The following PRDM11 variants were observed in gnomAD, a reference collection of about 807,000 sequenced individuals.
PRDM11 encodes the protein PR/SET domain 11, also known as PR domain-containing protein 11.
A neutral mutation model predicts 97.8 loss-of-function variants in PRDM11; 20 were observed. That is an observed-to-expected ratio of 0.20 (90% CI 0.14 to 0.30). The LOEUF (loss-of-function observed/expected upper bound fraction) is 0.30, where lower values mean the gene tolerates loss of function less well. PRDM11 is among the 10% of genes least tolerant of loss of function. The pLI, the probability that PRDM11 is intolerant of heterozygous loss-of-function variation, is 1.00. For missense variants in PRDM11, 1,139 were observed against 1,555.2 expected (o/e 0.73, Z 4.50); for synonymous variants, 599 against 637.7 (o/e 0.94, Z 0.91).
intron 1 of PRDM11, among the ~76,000 whole-genome samples, chr11:45,169,085 C>G (rs1461528023): frequency 6.6e-6 from 1 of 152,090 alleles, no homozygotes. Flanking sequence ...CACTGACATG[C>G]TTGGGGTGGG....
chr11:45,234,112 G>C lies in PRDM11; in HGVS notation c.*5953G>C, dbSNP rs1199670637. 1 of 152,284 alleles carries C rather than the reference G, an allele frequency of 6.6e-6. No homozygotes were observed. Among genetic ancestry groups the C allele is most frequent in the East Asian group, 1.9e-4 (1 of 5,168 alleles). 9.4% of individuals were successfully genotyped at this position (152,284 alleles called of 1,614,324 possible). On this transcript the variant is annotated 3_prime_UTR_variant, in exon 8 of 8. Transcript: ENST00000683152. Reference sequence around the variant, plus strand: ...CCCGGGCCGGGCGGGGATGTCTGGGGGCCACGCGGGGGCACTGGTGCAAGC... The same window carrying C: ...CCCGGGCCGGGCGGGGATGTCTGGGCGCCACGCGGGGGCACTGGTGCAAGC...
At chr11:45,164,573 TC>T (rs1438140329) in intron 1 of PRDM11, among the ~76,000 whole-genome samples, 1 of 152,184 alleles carries the variant, frequency 6.6e-6, no homozygotes, top group African/African-American at 2.4e-5. Flanking sequence ...GGGAGGGCCG[TC>T]CTCAGGACAG....
At chr11:45,126,175 T>C (rs1185599734) in intron 1 of PRDM11, among the ~76,000 whole-genome samples, 1 of 152,124 alleles carries the variant, frequency 6.6e-6, no homozygotes, top group African/African-American at 2.4e-5. Flanking sequence ...CTTTTTTTGT[T>C]TTCCATTTGC....
At position 45,224,515 on chromosome 11, in the gene PRDM11, A is replaced by G; in HGVS notation, c.1041A>G (p.Thr347=). The change falls in exon 7 of 8, where the codon ACA becomes ACG. Residue 347 remains threonine, a synonymous_variant. Transcript: ENST00000683152. ...YQDDAYSQCA[T]TMTHGVQNIG... is the part of the protein sequence containing the mutation. ...ATGACGCCTACAGTCAGTGTGCAAC[A>G]ACAATGACCCATGGTGTGCAGAATA... 1.2e-6 allele frequency: 2 copies of G among 1,614,160 alleles called. No individual in the cohort carries two copies. The highest frequency in any genetic ancestry group is 4.5e-5 in the East Asian group (2 of 44,880).
At chr11:45,161,449 G>A (rs1486903718) in intron 1 of PRDM11, among the ~76,000 whole-genome samples, 2 of 152,226 alleles carry the variant, frequency 1.3e-5, no homozygotes, top group East Asian at 3.9e-4. Context: ...CAGAGCCTAC[G>A]GGGAGGGAAG....
At chr11:45,104,360 C>T (rs1324436331) in intron 1 of PRDM11, among the ~76,000 whole-genome samples, 1 of 152,202 alleles carries the variant, frequency 6.6e-6, no homozygotes, top group East Asian at 1.9e-4. Context: ...AATTCAGGAT[C>T]CTCTGGATGA....
Position 45,224,617 on chromosome 11 carries a change from A to G in PRDM11, c.1143A>G (p.Glu381=). ...AGGAGCCAGGCCAATTGGAGGATGA[A>G]GAAGAGGAGCCTTCATCATTCAAGG... The part of the protein sequence containing the change: ...VSKEPGQLED[E]EEEPSSFKAD... Residue 381 remains glutamate (E), a synonymous_variant, in exon 7 of 8, where the codon GAA becomes GAG. Coordinates refer to ENST00000683152, the MANE Select transcript of PRDM11 (RefSeq NM_001384648.1). 6.2e-7 allele frequency: 1 copy of G among 1,614,192 alleles called. No individual in the cohort carries two copies. Among genetic ancestry groups the G allele is most frequent in the Non-Finnish European group, 8.5e-7 (1 of 1,180,024 alleles).
At chr11:45,130,123 T>C (rs1852685738) in intron 1 of PRDM11, among the ~76,000 whole-genome samples, 1 of 151,944 alleles carries the variant, frequency 6.6e-6, no homozygotes, top group African/African-American at 2.4e-5. Context: ...ACACCAAAAT[T>C]AATTTGAAAT....
At chr11:45,178,009 C>G (rs1852370643) in intron 1 of PRDM11, among the ~76,000 whole-genome samples, 1 of 152,142 alleles carries the variant, frequency 6.6e-6, no homozygotes, top group African/African-American at 2.4e-5. Context: ...CCACAGATGT[C>G]TCTACTTTGA....
At chr11:45,123,594 A>G (rs1306539404) in intron 1 of PRDM11, among the ~76,000 whole-genome samples, 2 of 152,112 alleles carry the variant, frequency 1.3e-5, no homozygotes, top group East Asian at 3.8e-4. Context: ...TCATTTATTA[A>G]ATAGGGAATC....
chr11:45,121,882 G>A (rs1207800143), intron 1 of PRDM11, among the ~76,000 whole-genome samples: 2 of 152,172 alleles, frequency 1.3e-5, no homozygotes, highest in South Asian at 2.1e-4. Flanking sequence ...AATATTTAGA[G>A]TGGGATAATG....
upstream of PRDM11, among the ~76,000 whole-genome samples, chr11:45,095,139 G>A (rs1254543549): frequency 1.3e-5 from 2 of 152,122 alleles, no homozygotes; most frequent in Non-Finnish European, 2.9e-5. Flanking sequence ...GGAACAATAG[G>A]GAGCTGTCTG....
intron 1 of PRDM11, among the ~76,000 whole-genome samples, chr11:45,100,557 T>C (rs1293138057): frequency 6.6e-6 from 1 of 152,232 alleles, no homozygotes; most frequent in Non-Finnish European, 1.5e-5. Flanking sequence ...GTGCTCATCA[T>C]CATCTGCTGC....
chr11:45,213,332 G>A (rs771036981), intron 5 of PRDM11: 1 of 455,336 alleles, frequency 2.2e-6, no homozygotes, highest in South Asian at 1.6e-5. Flanking sequence ...GTGGTGGCAG[G>A]CCTTGCAGGG....
intron 5 of PRDM11, among the ~76,000 whole-genome samples, chr11:45,211,933 A>G (rs1369317501): frequency 1.3e-5 from 2 of 152,214 alleles, no homozygotes; most frequent in Non-Finnish European, 2.9e-5. Flanking sequence ...GATGGCCCCA[A>G]GCAATGCAGA....
intron 1 of PRDM11, among the ~76,000 whole-genome samples, chr11:45,121,058 A>T (rs1430243033): frequency 1.3e-5 from 2 of 152,186 alleles, no homozygotes; most frequent in Non-Finnish European, 2.9e-5. Flanking sequence ...AACAGAAGTG[A>T]CAAAAATAGT....
chr11:45,111,384 C>CTT (rs1852175945), intron 1 of PRDM11, among the ~76,000 whole-genome samples: 10 of 54,634 alleles, frequency 1.8e-4, no homozygotes, highest in Admixed American at 7.0e-4. Context: ...GAACCCATTT[C>CTT]ACAGCGACAG....
At chr11:45,215,722 G>T (rs1456332080) in intron 5 of PRDM11, 1 of 152,236 alleles carries the variant, frequency 6.6e-6, no homozygotes, top group Non-Finnish European at 1.5e-5. Flanking sequence ...GAAGAGGGAG[G>T]CCTCTAGCCA....
Position 45,227,427 on chromosome 11 carries a change from G to C in PRDM11, c.2802G>C (p.Glu934Asp). 1 of 1,533,906 alleles carries C rather than the reference G, an allele frequency of 6.5e-7. No homozygotes were observed. The highest frequency in any genetic ancestry group is 8.7e-7 in the Non-Finnish European group (1 of 1,146,736). The change falls in exon 8 of 8, where the codon GAG becomes GAC. Residue 934 changes from glutamate to aspartate, a missense_variant. Physicochemically the swap from Glu to Asp is conservative, Grantham distance 45. Transcript: ENST00000683152. The surrounding 1 kb of genome is among the most constrained non-coding windows in gnomAD (Gnocchi z 8.0). ...CGGGAGAATACCTGCAGGAGTTCGA[G>C]GAGAATTTCCGAGAGAGCTTCAACG... ...DSPGEYLQEF[E>D]ENFRESFNGI...
Sources: allele counts gnomAD v4.1 joint callset (sites outside exome capture counted in the v4.1 genomes callset), GRCh38; gene constraint gnomAD v4.1.1; non-coding constraint Gnocchi (gnomAD v3.1); transcripts MANE v1.5; gene names NCBI Gene and HGNC (gene_info 2026-07-23, HGNC 2026-07-21).